Variants in ARHGAP27 observed in about 807,000 individuals in gnomAD.
The protein encoded by ARHGAP27 is Rho GTPase activating protein 27, also known as rho GTPase-activating protein 27.
In ARHGAP27, 53 loss-of-function variants were observed where a neutral mutation model predicts 102.0. The observed-to-expected ratio is 0.52, with a 90% CI of 0.42 to 0.65. ARHGAP27 has a LOEUF of 0.65. Ranked by LOEUF, ARHGAP27 falls within the 30% of genes least tolerant of loss-of-function variation. ARHGAP27 has a pLI of 0.00. For missense variants in ARHGAP27, 1,117 were observed against 1,256.2 expected (o/e 0.89, Z 1.68); for synonymous variants, 525 against 542.8 (o/e 0.97, Z 0.46).
At chr17:45,418,260 A>G (rs1402090618) in intron 4 of ARHGAP27, among the ~76,000 whole-genome samples, 5 of 147,514 alleles carry the variant, frequency 3.4e-5, no homozygotes, top group African/African-American at 1.2e-4. Flanking sequence ...GGACATTTTC[A>G]TAATAAAAAG....
rs1461266280 is a variant in ARHGAP27, at chr17:45,432,736, C to G, written c.-285+16G>C. 4 of 151,438 alleles carry G rather than the reference C, an allele frequency of 2.6e-5. No individual in the cohort carries two copies. Among genetic ancestry groups the G allele is most frequent in the African/African-American group, 9.7e-5 (4 of 41,238 alleles). The allele number at this position is 151,438 out of a possible 1,614,324, so 9.4% of individuals were successfully genotyped here. On this transcript the variant is annotated intron_variant, in intron 1 of 19. Coordinates refer to ENST00000685559, the MANE Select transcript of ARHGAP27 (RefSeq NM_001282290.2). ...CCCGCTCGGCGCCCCACTCCCGACCCTGCCTGCCCGGGCACCTCGGGGCGT... is the reference window on the plus strand; with the variant it reads ...CCCGCTCGGCGCCCCACTCCCGACCGTGCCTGCCCGGGCACCTCGGGGCGT...
chr17:45,425,659 G>A, intron 4 of ARHGAP27: 1 of 985,358 alleles, frequency 1.0e-6, no homozygotes, highest in Non-Finnish European at 1.2e-6. Flanking sequence ...GCTTGTATAA[G>A]AAGGTGCAGC....
At chr17:45,429,464 G>T in intron 4 of ARHGAP27, 159 bp downstream of exon 4, 1 of 1,472,694 alleles carries the variant, frequency 6.8e-7, no homozygotes, top group African/African-American at 1.5e-5. Context: ...CACCCCTCAC[G>T]TTTCGCGGTT....
At chr17:45,425,739 C>T (rs2049535355) in intron 4 of ARHGAP27, 1 of 659,268 alleles carries the variant, frequency 1.5e-6, no homozygotes, top group African/African-American at 2.0e-5. Flanking sequence ...GCCAGCTCCA[C>T]CTGCCTGGGC....
At chr17:45,425,588 A>G (rs769359507) in intron 4 of ARHGAP27, 14 of 985,452 alleles carry the variant, frequency 1.4e-5, no homozygotes, top group Middle Eastern at 5.2e-4. Flanking sequence ...AGGAGAAGGA[A>G]TGAGGGCCCC....
chr17:45,416,467 C>CT lies in ARHGAP27; in HGVS notation c.658-10385dup, dbSNP rs941995458. 2.4e-3 allele frequency among the ~76,000 whole-genome samples: 354 copies of CT among 146,286 alleles called. 1 individual carries two copies. Among genetic ancestry groups the CT allele is most frequent in the Middle Eastern group, 3.5e-3 (1 of 286 alleles). On this transcript the variant is annotated intron_variant, in intron 4 of 19. Transcript: ENST00000685559. The stretch of plus-strand genomic sequence containing the variant: ...TGTTTTTTCTCTTTTCTCTCTCTCT[C>CT]TTTTTTTTTTTTCTAGTAGAGCAGC...
intron 4 of ARHGAP27, 192 bp downstream of exon 4, chr17:45,429,431 G>T: frequency 1.4e-6 from 2 of 1,412,798 alleles, no homozygotes; most frequent in Admixed American, 3.1e-5. Context: ...CTTGGGAATT[G>T]CTGATGAGGG....
chr17:45,428,578 T>C (rs966664474), intron 4 of ARHGAP27, among the ~76,000 whole-genome samples: 3 of 152,184 alleles, frequency 2.0e-5, no homozygotes, highest in African/African-American at 7.2e-5. Context: ...GAGGCGTGTC[T>C]CCTTCGTCTG....
In ARHGAP27 at chr17:45,432,558, C is replaced by A. The variant is rs867977762; in HGVS notation, c.-285+194G>T. Among the ~76,000 whole-genome samples the A allele has an allele frequency of 2.0e-5, 3 of 152,342 alleles. No individual in the cohort carries two copies. In the South Asian group the frequency reaches 6.2e-4, roughly 32 times the overall value. On this transcript the variant is annotated intron_variant, in intron 1 of 19. Transcript: ENST00000685559. ...GCAGCCCTTCGCCTACCTTCTCCTCCCCGTGGGATGCGGCCCGCGCAGCTC... is the reference window on the plus strand; with the variant it reads ...GCAGCCCTTCGCCTACCTTCTCCTCACCGTGGGATGCGGCCCGCGCAGCTC...
At chr17:45,400,468 C>G (rs899946201) in intron 12 of ARHGAP27, among the ~76,000 whole-genome samples, 2 of 152,182 alleles carry the variant, frequency 1.3e-5, no homozygotes, top group African/African-American at 4.8e-5. Context: ...CTGGCCTGAG[C>G]AGCACCTGCC....
At chr17:45,423,301 C>T (rs2049226016) in intron 4 of ARHGAP27, among the ~76,000 whole-genome samples, 1 of 152,152 alleles carries the variant, frequency 6.6e-6, no homozygotes, top group African/African-American at 2.4e-5. Context: ...AGAGTTTACA[C>T]ATCTGGAGAA....
At chr17:45,410,231 C>G (rs1199772288) in intron 4 of ARHGAP27, 5 of 1,534,126 alleles carry the variant, frequency 3.3e-6, no homozygotes, top group Non-Finnish European at 3.5e-6. Context: ...GCATCCCCTA[C>G]CTGTGCCGGC....
intron 12 of ARHGAP27, among the ~76,000 whole-genome samples, chr17:45,398,782 CCTGT>C (rs2046066885): frequency 6.6e-6 from 1 of 151,994 alleles, no homozygotes; most frequent in Non-Finnish European, 1.5e-5. Flanking sequence ...TGTTGAGACC[CCTGT>C]CTACTAGAAG....
At chr17:45,395,682 G>A (rs750850643) in intron 19 of ARHGAP27, 49 bp from the exon 20 acceptor site, 3 of 1,571,168 alleles carry the variant, frequency 1.9e-6, no homozygotes, top group Admixed American at 1.8e-5. Context: ...GAACTGCGGG[G>A]AGGCGCTGGG....
At chr17:45,407,851 G>A (rs1421200419) in intron 4 of ARHGAP27, 1 of 151,942 alleles carries the variant, frequency 6.6e-6, no homozygotes, top group Non-Finnish European at 1.5e-5. Flanking sequence ...AATACTTCAG[G>A]GGAAAGCAGA....
intron 4 of ARHGAP27, among the ~76,000 whole-genome samples, chr17:45,418,385 G>A (rs1298534812): frequency 6.6e-6 from 1 of 151,906 alleles, no homozygotes; most frequent in African/African-American, 2.4e-5. Context: ...CGGGAGGACT[G>A]CTTGAGCCCA....
At chr17:45,414,985 C>T (rs1445395033) in intron 4 of ARHGAP27, among the ~76,000 whole-genome samples, 1 of 147,428 alleles carries the variant, frequency 6.8e-6, no homozygotes, top group Non-Finnish European at 1.5e-5. Flanking sequence ...AGGAGAACCA[C>T]TTGAACCCCA....
rs141506109 is a variant in ARHGAP27, at chr17:45,404,951, G to A, written c.1221C>T (p.Leu407=). ...SCHVSQDKQM[L]YTNHFTQEQW... ...GCTCCTGAGTGAAGTGGTTGGTGTA[G>A]AGCATCTGCTTGTCCTGGCTGACAT... is the stretch of plus-strand genomic sequence containing the variant. Residue 407 remains leucine, a synonymous_variant, in exon 6 of 20, where the codon CTC becomes CTT. Coordinates refer to ENST00000685559, the MANE Select transcript of ARHGAP27 (RefSeq NM_001282290.2). 18 of 1,614,042 alleles carry A rather than the reference G, an allele frequency of 1.1e-5. No homozygotes were observed. The highest frequency in any genetic ancestry group is 1.7e-5 in the Admixed American group (1 of 60,002).
chr17:45,413,025 G>A (rs2048090054), intron 4 of ARHGAP27, among the ~76,000 whole-genome samples: 1 of 129,516 alleles, frequency 7.7e-6, no homozygotes, highest in African/African-American at 3.0e-5. Context: ...TGTCACCCAG[G>A]CTGGGGTGCA....
Sources: allele counts gnomAD v4.1 joint callset (sites outside exome capture counted in the v4.1 genomes callset), GRCh38; gene constraint gnomAD v4.1.1; transcripts MANE v1.5; gene names NCBI Gene and HGNC (gene_info 2026-07-23, HGNC 2026-07-21).